Variants in TMC4 observed in about 807,000 individuals in gnomAD.
The protein encoded by TMC4 is voltage-gated chloride channel TMC4.
A neutral mutation model predicts 82.0 loss-of-function variants in TMC4; 70 were observed. That is an observed-to-expected ratio of 0.85 (90% confidence interval 0.70 to 1.04). The LOEUF (loss-of-function observed/expected upper bound fraction) is 1.04, where lower values mean the gene tolerates loss of function less well. TMC4 is among the 50% of genes least tolerant of loss of function. The pLI, the probability that TMC4 is intolerant of heterozygous loss-of-function variation, is 0.00. For synonymous variants in TMC4, 446 were observed against 406.0 expected, an observed-to-expected ratio of 1.10 and a Z score of -1.18; for missense variants, 879 against 899.0, an observed-to-expected ratio of 0.98 and a Z score of 0.28.
At chr19:54,168,873 TTTTCTTTTCTTTTC>T (rs1445535377) in intron 3 of TMC4, among the ~76,000 whole-genome samples, 193 bp from the exon 4 acceptor site, 15 of 45,162 alleles carry the variant, frequency 3.3e-4, no homozygotes, top group South Asian at 5.4e-4. Flanking sequence ...TTTTCTTTTC[TTTTCTTTTCTTTTC>T]TTTCTTTCCT....
At chr19:54,165,157 C>G (rs1284665792) in intron 6 of TMC4, among the ~76,000 whole-genome samples, 1 of 150,186 alleles carries the variant, frequency 6.7e-6, no homozygotes, top group East Asian at 2.0e-4. Flanking sequence ...ATCCACCTGT[C>G]TCGGTCTCCC....
chr19:54,163,146 G>A lies in TMC4; in HGVS notation c.1291C>T (p.Arg431Cys). ...AGCAGGACCACCAGGGAGGCGAGGC[G>A]AAGAAACACGGTCCTGAAGGGGGGA... ...VFILLRTVFL[R>C]LASLVVLLFS... The change falls in exon 9 of 15, where the codon CGC becomes TGC. Residue 431 changes from arginine (R) to cysteine (C), a missense_variant. Coordinates refer to ENST00000619895, the MANE Select transcript of TMC4 (RefSeq NM_144686.4). The A allele has an allele frequency of 6.2e-7, 1 of 1,613,844 alleles. No individual in the cohort carries two copies. Among genetic ancestry groups the A allele is most frequent in the Non-Finnish European group, 8.5e-7 (1 of 1,179,984 alleles).
intron 5 of TMC4, among the ~76,000 whole-genome samples, chr19:54,166,903 A>T (rs2075719084): frequency 6.6e-6 from 1 of 151,870 alleles, no homozygotes; most frequent in African/African-American, 2.4e-5. Flanking sequence ...CAGTGAGCTG[A>T]GATCGCACTA....
chr19:54,160,758 C>T (rs1253110754), intron 13 of TMC4, 120 bp downstream of exon 13: 4 of 1,426,458 alleles, frequency 2.8e-6, no homozygotes, highest in Non-Finnish European at 2.8e-6. Context: ...CCTAGGCCTC[C>T]TCCCTCAGAC....
rs73613037 is a variant in TMC4, at chr19:54,160,180, C to T, written c.*126G>A. 2.0e-3 allele frequency: 2,221 copies of T among 1,097,862 alleles called. 33 individuals are homozygous for T. The African/African-American group carries it at 0.03, about 15-fold the overall frequency. The allele number at this position is 1,097,862 out of a possible 1,614,324, so 68.0% of individuals were successfully genotyped here. A position where few individuals can be genotyped will look rare whatever the true frequency, so the allele number is the denominator to read the frequency against. ...GTCAGGGACGTGGCGGCGAGGGGCCCTGGAAATCTCCAGATACCAAAGCTG... is the reference window on the plus strand; with the variant it reads ...GTCAGGGACGTGGCGGCGAGGGGCCTTGGAAATCTCCAGATACCAAAGCTG... On this transcript the variant is annotated 3_prime_UTR_variant, in exon 15 of 15. Coordinates refer to ENST00000619895, the MANE Select transcript of TMC4 (RefSeq NM_144686.4).
rs781569973 is a variant in TMC4, at chr19:54,165,502, G to T, written c.862C>A (p.Arg288=). 6.2e-7 allele frequency: 1 copy of T among 1,612,852 alleles called. No homozygotes were observed. Among genetic ancestry groups the T allele is most frequent in the Admixed American group, 1.7e-5 (1 of 59,952 alleles). Residue 288 remains arginine, a synonymous_variant, in exon 6 of 15, where the codon CGG becomes AGG. Coordinates refer to ENST00000619895, the MANE Select transcript of TMC4 (RefSeq NM_144686.4). ...CCGAAGTCCCAGGCCGAGAACACCC[G>T]GTGGCTGTAGCTGGTCAGAGCCTCG... ...ESEALTSYSH[R]VFSAWDFGLC... is the part of the protein sequence containing the mutation.
Position 54,168,532 on chromosome 19 carries a change from G to T in TMC4, c.591C>A (p.Ile197=). The stretch of plus-strand genomic sequence containing the variant: ...GGTTATAGGAGCCGCAGGGCGAGGA[G>T]ATGTCGGGGCCGGGAGGGCCTGGGG... The part of the protein sequence containing the change: ...GAPPGPPGPD[I]SSPCGSYNPH... The change falls in exon 4 of 15, where the codon ATC becomes ATA. Residue 197 remains isoleucine (I), a synonymous_variant. Coordinates refer to ENST00000619895, the MANE Select transcript of TMC4 (RefSeq NM_144686.4). 6.4e-7 allele frequency: 1 copy of T among 1,555,306 alleles called. No homozygotes were observed. The highest frequency in any genetic ancestry group is 8.7e-7 in the Non-Finnish European group (1 of 1,150,370).
Position 54,162,261 on chromosome 19 carries a change from C to T in TMC4, c.1527G>A (p.Gly509=), listed in dbSNP as rs375250638. ...GGGTCCCCGCCAGACGACCCAGCGC[C>T]CCAGGACAGAGGCCACAGAGGAGCC... ...PRKLLCGLCP[G]ALGRLAGTQE... is the part of the protein sequence containing the mutation. The change falls in exon 11 of 15, where the codon GGG becomes GGA. Residue 509 remains glycine, a synonymous_variant. Coordinates refer to ENST00000619895, the MANE Select transcript of TMC4 (RefSeq NM_144686.4). The T allele has an allele frequency of 4.4e-6, 7 of 1,602,142 alleles. No homozygotes were observed. The highest frequency in any genetic ancestry group is 5.1e-6 in the Non-Finnish European group (6 of 1,175,290).
intron 10 of TMC4, 58 bp from the exon 11 acceptor site, chr19:54,162,343 C>T (rs1568723860): frequency 3.1e-6 from 4 of 1,303,152 alleles, no homozygotes; most frequent in Middle Eastern, 2.8e-4. Flanking sequence ...GGAGTTTCCA[C>T]GCCTCCACCG....
At chr19:54,172,451 C>A (rs7245917) in intron 1 of TMC4, among the ~76,000 whole-genome samples, 6 of 61,878 alleles carry the variant, frequency 9.7e-5, no homozygotes, top group East Asian at 8.0e-4. Context: ...ACCCAGGAGT[C>A]CAGGCCCCCG....
At chr19:54,164,736 G>T in intron 6 of TMC4, 135 bp from the exon 7 acceptor site, 1 of 1,206,346 alleles carries the variant, frequency 8.3e-7, no homozygotes, top group Non-Finnish European at 1.2e-6. Flanking sequence ...AACAACCTCT[G>T]CAGTCCTGGT....
rs1198944858 is a variant in TMC4, at chr19:54,168,797, CTT to C, written c.443-119_443-118del. ...TTTCTTTCTTTCTTTTCTTTTCTTT[CTT>C]TTCTTTTCTTTTCTTTTCTTTTCTT... On this transcript the variant is annotated intron_variant, in intron 3 of 14. Transcript: ENST00000619895. 2 of 45,986 alleles carry C rather than the reference CTT, an allele frequency of 4.3e-5. 1 individual carries two copies. Among genetic ancestry groups the C allele is most frequent in the East Asian group, 8.2e-4 (2 of 2,440 alleles). The allele number at this position is 45,986 out of a possible 1,614,324, so 2.8% of individuals were successfully genotyped here. A position where few individuals can be genotyped will look rare whatever the true frequency, so the allele number is the denominator to read the frequency against.
chr19:54,162,089 C>T lies in TMC4; in HGVS notation c.1686+13G>A, dbSNP rs1230661952. On this transcript the variant is annotated intron_variant, in intron 11 of 14. Coordinates refer to ENST00000619895, the MANE Select transcript of TMC4 (RefSeq NM_144686.4). Reference sequence around the variant, plus strand: ...CTCCTGCCTCAGACCCAAGGGTCCCCCCTACCCCTTACCTTCTTCAGGTAG... The same window carrying T: ...CTCCTGCCTCAGACCCAAGGGTCCCTCCTACCCCTTACCTTCTTCAGGTAG... 8 of 1,603,930 alleles carry T rather than the reference C, an allele frequency of 5.0e-6. No individual in the cohort carries two copies. Among genetic ancestry groups the T allele is most frequent in the African/African-American group, 1.3e-5 (1 of 74,768 alleles).
chr19:54,165,563 C>A lies in TMC4; in HGVS notation c.801G>T (p.Ser267=), dbSNP rs1184341785. The A allele has an allele frequency of 6.3e-7, 1 of 1,599,548 alleles. No homozygotes were observed. The highest frequency in any genetic ancestry group is 2.3e-5 in the East Asian group (1 of 44,426). ...GCAGTGTCTGCTTCAGCCCAGACAC[C>A]GAGCTGAGAGGGGAGACCCGGGAGA... The part of the protein sequence containing the change: ...LICLLLILHR[S]VSGLKQTLLA... The change falls in exon 6 of 15, where the codon TCG becomes TCT. Residue 267 remains serine (S), a synonymous_variant. Transcript: ENST00000619895.
In TMC4 at chr19:54,162,149, G is replaced by A; in HGVS notation, c.1639C>T (p.Pro547Ser). Residue 547 changes from proline to serine, a missense_variant, in exon 11 of 15, where the codon CCC (proline) becomes TCC (serine). Transcript: ENST00000619895. ...AGGAACTTGACCGTGTTAAGCAGGG[G>A]CAGTAAAGGGCAGAAAAAACTCCCC... ...WVGSFFCPLLPLLNTVKFLLL... is the reference protein window; with the variant it reads ...WVGSFFCPLLSLLNTVKFLLL... 6.2e-7 allele frequency: 1 copy of A among 1,613,758 alleles called. No individual in the cohort carries two copies. The highest frequency in any genetic ancestry group is 8.5e-7 in the Non-Finnish European group (1 of 1,179,880).
At chr19:54,160,715 C>A (rs1304684920) in intron 13 of TMC4, 163 bp downstream of exon 13, 1 of 1,410,186 alleles carries the variant, frequency 7.1e-7, no homozygotes, top group Non-Finnish European at 9.5e-7. Context: ...TACGTCCCGC[C>A]CACCTCCTCC....
In TMC4 at chr19:54,172,004, C is replaced by G. The variant is rs146659053; in HGVS notation, c.159G>C (p.Trp53Cys). Residue 53 changes from tryptophan (W) to cysteine (C), a missense_variant, in exon 2 of 15, where the codon TGG becomes TGC. By Grantham distance (215) the Trp-to-Cys change is radical. Coordinates refer to ENST00000619895, the MANE Select transcript of TMC4 (RefSeq NM_144686.4). ...CCTCCTCCTCCTCCTCCAGCGCCCC[C>G]CAAGGCAGCACCCCAGGGTCTCGGT... is the stretch of plus-strand genomic sequence containing the variant. ...LRYRDPGVLP[W>C]GALEEEEEDG... 21 of 1,612,638 alleles carry G rather than the reference C, an allele frequency of 1.3e-5. No individual in the cohort carries two copies. In the African/African-American group the frequency reaches 2.7e-4, roughly 20 times the overall value.
intron 1 of TMC4, among the ~76,000 whole-genome samples, chr19:54,172,536 G>T (rs556692591): frequency 1.5e-4 from 21 of 143,810 alleles, no homozygotes; most frequent in African/African-American, 5.3e-4. Flanking sequence ...CAGGCCCCCG[G>T]CTCCTCCTCC....
chr19:54,173,029 C>T lies in TMC4; in HGVS notation c.79+10G>A, dbSNP rs2075950708. ...TCGGATGGATCTGAGCTTCTCCTGG[C>T]ATTCCCTACCTCCTCTGGCCTCCCG... On this transcript the variant is annotated intron_variant, in intron 1 of 14. Coordinates refer to ENST00000619895, the MANE Select transcript of TMC4 (RefSeq NM_144686.4). 2 of 1,609,874 alleles carry T rather than the reference C, an allele frequency of 1.2e-6. No individual in the cohort carries two copies. The highest frequency in any genetic ancestry group is 8.5e-7 in the Non-Finnish European group (1 of 1,177,984).
Sources: allele counts gnomAD v4.1 joint callset (sites outside exome capture counted in the v4.1 genomes callset), GRCh38; gene constraint gnomAD v4.1.1; transcripts MANE v1.5; gene names NCBI Gene and HGNC (gene_info 2026-07-23, HGNC 2026-07-21).